The following FAM184B variants were observed in gnomAD, a reference collection of about 807,000 sequenced individuals.
The protein encoded by FAM184B is protein FAM184B.
Under a neutral mutation model 135.9 loss-of-function variants are expected in FAM184B, and 111 were observed. The observed-to-expected ratio is 0.82, with a 90% CI of 0.70 to 0.96. The LOEUF is 0.96. FAM184B is among the 40% of genes least tolerant of loss of function. The pLI is 0.00. For missense variants in FAM184B, 1,375 were observed against 1,323.9 expected, an observed-to-expected ratio of 1.04 and a Z score of -0.60; for synonymous variants, 552 against 524.8, an observed-to-expected ratio of 1.05 and a Z score of -0.71.
chr4:17,706,924 T>C (rs1560181587), intron 3 of FAM184B, among the ~76,000 whole-genome samples: 2 of 152,056 alleles, frequency 1.3e-5, no homozygotes, highest in East Asian at 1.9e-4. Flanking sequence ...TAGCTAGGAT[T>C]ACAGGCACCC....
At chr4:17,706,391 T>C (rs1336884838) in intron 3 of FAM184B, among the ~76,000 whole-genome samples, 1 of 152,146 alleles carries the variant, frequency 6.6e-6, no homozygotes, top group African/African-American at 2.4e-5. Context: ...ATCTTTCCCA[T>C]GCACGTTATT....
chr4:17,633,313 GCCAAGTCC>G (rs1715020739), intron 17 of FAM184B: 2 of 166,594 alleles, frequency 1.2e-5, no homozygotes, highest in Non-Finnish European at 2.6e-5. Flanking sequence ...AGATTTTTGT[GCCAAGTCC>G]TGTGCTAAGC....
chr4:17,632,330 C>G lies in FAM184B; in HGVS notation c.*202G>C, dbSNP rs148198810. On this transcript the variant is annotated 3_prime_UTR_variant, in exon 18 of 18. Transcript: ENST00000265018. ...ACTCAAGCAGTCCATCTGCCTCAGC[C>G]TCCCAAAGTGATGGGATTACAGGCG... 108 of 394,852 alleles carry G rather than the reference C, an allele frequency of 2.7e-4. 1 individual carries two copies. The East Asian group carries it at 4.8e-3, about 17-fold the overall frequency. 24.5% of individuals were successfully genotyped at this position (394,852 alleles called of 1,614,324 possible). A position where few individuals can be genotyped will look rare whatever the true frequency, so the allele number is the denominator to read the frequency against.
intron 10 of FAM184B, among the ~76,000 whole-genome samples, chr4:17,655,290 C>T (rs1406857491): frequency 2.0e-5 from 3 of 152,196 alleles, no homozygotes; most frequent in Non-Finnish European, 4.4e-5. Context: ...AGGTTGAAGC[C>T]TGGCTTTGCA....
intron 13 of FAM184B, 62 bp from the exon 14 acceptor site, chr4:17,639,458 T>TG (rs1715245154): frequency 3.3e-6 from 5 of 1,531,198 alleles, no homozygotes; most frequent in Non-Finnish European, 4.4e-6. Flanking sequence ...CCTTGGGCTC[T>TG]GGGGTTTATT....
At chr4:17,750,403 A>G (rs1718267220) in intron 1 of FAM184B, among the ~76,000 whole-genome samples, 1 of 152,206 alleles carries the variant, frequency 6.6e-6, no homozygotes, top group Non-Finnish European at 1.5e-5. Flanking sequence ...ATGAACTAAA[A>G]CATTTTACAA....
At chr4:17,649,984 G>C (rs549073258) in intron 11 of FAM184B, among the ~76,000 whole-genome samples, 27 of 151,388 alleles carry the variant, frequency 1.8e-4, no homozygotes, top group African/African-American at 6.6e-4. Context: ...TCCACCCATT[G>C]GTTGCCCACC....
At chr4:17,717,211 G>T (rs1577274439) in intron 1 of FAM184B, among the ~76,000 whole-genome samples, 1 of 152,130 alleles carries the variant, frequency 6.6e-6, no homozygotes, top group Non-Finnish European at 1.5e-5. Context: ...TTTTTGTGAG[G>T]ATCAAATAGG....
At chr4:17,686,494 T>A (rs1218924099) in intron 7 of FAM184B, among the ~76,000 whole-genome samples, 1 of 152,246 alleles carries the variant, frequency 6.6e-6, no homozygotes, top group Non-Finnish European at 1.5e-5. Flanking sequence ...GAAGGCATCC[T>A]GGGCATGTGC....
At chr4:17,717,867 C>T (rs1301520306) in intron 1 of FAM184B, among the ~76,000 whole-genome samples, 1 of 152,092 alleles carries the variant, frequency 6.6e-6, no homozygotes, top group African/African-American at 2.4e-5. Flanking sequence ...TTACATGTGT[C>T]TTTTCAATTA....
rs1035259403 is a variant in FAM184B at position 17,732,881 on chromosome 4, C to A, written c.142-23237G>T. ...TACCAAAGCCTGGCAGAGACACAAC[C>A]AAAAAAGAGAATTTTAGACCAATAT... On this transcript the variant is annotated intron_variant, in intron 1 of 17. Transcript: ENST00000265018. Among the ~76,000 whole-genome samples, 120 of 151,104 alleles carry A rather than the reference C, an allele frequency of 7.9e-4. 1 individual carries two copies. Among genetic ancestry groups the A allele is most frequent in the Admixed American group, 3.3e-3 (50 of 15,134 alleles).
rs11944484 is a variant in FAM184B, at chr4:17,636,555, C to T, written c.2757G>A (p.Glu919=). The T allele has an allele frequency of 2.3e-3, 3,516 of 1,551,140 alleles. 82 individuals are homozygous for T. The African/African-American group carries it at 0.043, about 19-fold the overall frequency. ...LIGRLQTRLK[E]REDIIKQLTE... Reference sequence around the variant, plus strand: ...TGAGCTGCTTGATGATGTCCTCTCTCTCCTTCAGGCGGGTCTGCAGGCGGC... The same window carrying T: ...TGAGCTGCTTGATGATGTCCTCTCTTTCCTTCAGGCGGGTCTGCAGGCGGC... The change falls in exon 15 of 18, where the codon GAG becomes GAA. Residue 919 remains glutamate (E), a synonymous_variant. Coordinates refer to ENST00000265018, the MANE Select transcript of FAM184B (RefSeq NM_015688.2).
intron 11 of FAM184B, among the ~76,000 whole-genome samples, chr4:17,648,747 C>T (rs2108934988): frequency 6.6e-6 from 1 of 152,118 alleles, no homozygotes; most frequent in Non-Finnish European, 1.5e-5. Context: ...GCATGTCATC[C>T]CAGCAGGATA....
chr4:17,692,705 G>A (rs1716764427), intron 6 of FAM184B, among the ~76,000 whole-genome samples: 1 of 152,186 alleles, frequency 6.6e-6, no homozygotes, highest in Admixed American at 6.5e-5. Flanking sequence ...CAGGTCTCAT[G>A]TGGAAGGTTT....
At position 17,708,880 on chromosome 4, in the gene FAM184B, A is replaced by T. The variant is rs1424890986; in HGVS notation, c.894+12T>A. 4 of 1,486,778 alleles carry T rather than the reference A, an allele frequency of 2.7e-6. No individual in the cohort carries two copies. In the South Asian group the frequency reaches 5.5e-5, roughly 21 times the overall value. 92.1% of individuals were successfully genotyped at this position (1,486,778 alleles called of 1,614,324 possible). On this transcript the variant is annotated intron_variant, in intron 2 of 17. Coordinates refer to ENST00000265018, the MANE Select transcript of FAM184B (RefSeq NM_015688.2). Reference sequence around the variant, plus strand: ...TATCCCTTTGGGGTTGTAAGAAGAGATGCTGCTTTACCTGAATCCTCTCCT... The same window carrying T: ...TATCCCTTTGGGGTTGTAAGAAGAGTTGCTGCTTTACCTGAATCCTCTCCT...
intron 1 of FAM184B, among the ~76,000 whole-genome samples, chr4:17,758,407 A>G (rs1718467234): frequency 6.6e-6 from 1 of 152,248 alleles, no homozygotes; most frequent in African/African-American, 2.4e-5. Flanking sequence ...GGACTCATGC[A>G]TCCTAGAACC....
At chr4:17,665,958 A>G (rs1447172380) in intron 7 of FAM184B, among the ~76,000 whole-genome samples, 1 of 151,510 alleles carries the variant, frequency 6.6e-6, no homozygotes, top group Non-Finnish European at 1.5e-5. Context: ...CTGCTTCTCA[A>G]ACTACCACAT....
intron 15 of FAM184B, among the ~76,000 whole-genome samples, chr4:17,635,338 G>C (rs1231858091): frequency 6.6e-6 from 1 of 152,148 alleles, no homozygotes; most frequent in Non-Finnish European, 1.5e-5. Context: ...TGATGCCTTA[G>C]GAAATTGAAA....
At chr4:17,703,605 AAT>A (rs1349557786) in intron 5 of FAM184B, among the ~76,000 whole-genome samples, 1 of 152,142 alleles carries the variant, frequency 6.6e-6, no homozygotes, top group Admixed American at 6.5e-5. Flanking sequence ...TAATTTACAT[AAT>A]AAGCCCTTGA....
Sources: allele counts gnomAD v4.1 joint callset (sites outside exome capture counted in the v4.1 genomes callset), GRCh38; gene constraint gnomAD v4.1.1; transcripts MANE v1.5; gene names NCBI Gene and HGNC (gene_info 2026-07-23, HGNC 2026-07-21).